The following ADAM19 variants were observed in gnomAD, a reference collection of about 807,000 sequenced individuals.
ADAM19 encodes disintegrin and metalloproteinase domain-containing protein 19.
Under a neutral mutation model 114.7 loss-of-function variants are expected in ADAM19, and 65 were observed. That is an observed-to-expected ratio of 0.57 (90% confidence interval 0.46 to 0.70). The LOEUF (loss-of-function observed/expected upper bound fraction) is 0.70, where lower values mean the gene tolerates loss of function less well. Among genes scored for constraint, ADAM19 ranks in the 30% least tolerant of loss-of-function variants. The pLI is 0.00. For synonymous variants in ADAM19, 466 were observed against 460.5 expected (o/e 1.01, Z -0.15); for missense variants, 1,063 against 1,204.7 (o/e 0.88, Z 1.74).
Position 157,480,144 on chromosome 5 carries a change from A to C in ADAM19, c.*805T>G, listed in dbSNP as rs895219201. On this transcript the variant is annotated 3_prime_UTR_variant, in exon 23 of 23. Transcript: ENST00000257527. ...ACATTAGAGGGAGAATGAGAGGGGA[A>C]GGAAGAGAGAAAAGCGTGGGGCACC... The C allele has an allele frequency of 1.0e-6, 1 of 985,974 alleles. No homozygotes were observed. The allele number at this position is 985,974 out of a possible 1,614,324, so 61.1% of individuals were successfully genotyped here.
At chr5:157,551,705 G>A (rs1019209730) in intron 3 of ADAM19, among the ~76,000 whole-genome samples, 1 of 151,336 alleles carries the variant, frequency 6.6e-6, no homozygotes, top group African/African-American at 2.4e-5. Flanking sequence ...TATATAAGGA[G>A]CTCAAACAAC....
chr5:157,558,695 G>A (rs1462716617), intron 3 of ADAM19, among the ~76,000 whole-genome samples: 3 of 152,188 alleles, frequency 2.0e-5, no homozygotes, highest in Non-Finnish European at 2.9e-5. Context: ...GTGGAGGTGG[G>A]GAGAGCTCCA....
chr5:157,491,137 T>TA (rs1755139825), intron 18 of ADAM19, among the ~76,000 whole-genome samples: 24 of 152,008 alleles, frequency 1.6e-4, no homozygotes, highest in African/African-American at 5.1e-4. Context: ...GCTATTTTTT[T>TA]TAAAAAAAAA....
intron 15 of ADAM19, 140 bp downstream of exon 15, chr5:157,494,547 G>T: frequency 1.6e-6 from 1 of 635,506 alleles, no homozygotes. Flanking sequence ...AGGGGGCCGA[G>T]AATAGATGAC....
At position 157,489,182 on chromosome 5, in the gene ADAM19, G is replaced by A; in HGVS notation, c.2245C>T (p.Pro749Ser). ...PSKLRQQFSC[P>S]FRVSQNSGTG... Reference sequence around the variant, plus strand: ...CCGCTGTTCTGAGAAACCCTGAAGGGACAACTAGAAACAAGAAATGGGGGA... The same window carrying A: ...CCGCTGTTCTGAGAAACCCTGAAGGAACAACTAGAAACAAGAAATGGGGGA... The change falls in exon 20 of 23, where the codon CCC (proline) becomes TCC (serine). Residue 749 changes from proline (P) to serine (S), a missense_variant. By Grantham distance (74) the Pro-to-Ser change is moderately conservative. This residue lies in a region of ADAM19 where 424 missense variants were observed against 445.5 expected (regional missense o/e 0.95). Transcript: ENST00000257527. 1 of 1,613,076 alleles carries A rather than the reference G, an allele frequency of 6.2e-7. No individual in the cohort carries two copies. The highest frequency in any genetic ancestry group is 8.5e-7 in the Non-Finnish European group (1 of 1,179,098).
chr5:157,483,287 C>T (rs1373492054), intron 21 of ADAM19, among the ~76,000 whole-genome samples: 3 of 152,094 alleles, frequency 2.0e-5, no homozygotes, highest in East Asian at 3.9e-4. Flanking sequence ...TATTTGCACA[C>T]GTGCACAAAA....
intron 5 of ADAM19, among the ~76,000 whole-genome samples, chr5:157,524,114 G>C (rs34603646): frequency 0.013 from 1,939 of 152,334 alleles, 20 homozygotes; most frequent in South Asian, 0.033. Context: ...TTGTTGCTGG[G>C]GGAATGTCTG....
Position 157,479,844 on chromosome 5 carries a change from A to G in ADAM19, c.*1105T>C. On this transcript the variant is annotated 3_prime_UTR_variant, in exon 23 of 23. Transcript: ENST00000257527. ...ATGACCAGCCTGCTCCCTCGTGTGT[A>G]CTTTGTAAATAGCTGGGCTCCCTAA... The G allele has an allele frequency of 2.0e-6, 2 of 985,592 alleles. No homozygotes were observed. Among genetic ancestry groups the G allele is most frequent in the Non-Finnish European group, 2.4e-6 (2 of 830,008 alleles). 61.1% of individuals were successfully genotyped at this position (985,592 alleles called of 1,614,324 possible).
At chr5:157,513,976 G>T (rs1756014214) in intron 7 of ADAM19, among the ~76,000 whole-genome samples, 1 of 152,224 alleles carries the variant, frequency 6.6e-6, no homozygotes. Context: ...TATGGGCAAG[G>T]CATTGTGCTT....
rs559798400 is a variant in ADAM19 at position 157,537,490 on chromosome 5, GCA to G, written c.330+421_330+422del. ...AAATAGCAGACTACAAAATGTATAT[GCA>G]CAGTGATTACAACTCTGTAAATGTT... is the stretch of plus-strand genomic sequence containing the variant. On this transcript the variant is annotated intron_variant, in intron 4 of 22. Coordinates refer to ENST00000257527, the MANE Select transcript of ADAM19 (RefSeq NM_033274.5). Among the ~76,000 whole-genome samples, 710 of 152,252 alleles carry G rather than the reference GCA, an allele frequency of 4.7e-3. 10 individuals are homozygous for G. Among genetic ancestry groups the G allele is most frequent in the African/African-American group, 0.016 (668 of 41,544 alleles).
rs11466787 is a variant in ADAM19 at position 157,492,824 on chromosome 5, C to T, written c.1908+149G>A. Reference sequence around the variant, plus strand: ...GACAGTTCTCTGGGGTGGGTGCCTGCTGTCACTATACACGCTTCATGAAGG... The same window carrying T: ...GACAGTTCTCTGGGGTGGGTGCCTGTTGTCACTATACACGCTTCATGAAGG... On this transcript the variant is annotated intron_variant, in intron 16 of 22. Coordinates refer to ENST00000257527, the MANE Select transcript of ADAM19 (RefSeq NM_033274.5). 985 of 757,318 alleles carry T rather than the reference C, an allele frequency of 1.3e-3. 9 individuals are homozygous for T. In the African/African-American group the frequency reaches 0.015, roughly 12 times the overall value. The allele number at this position is 757,318 out of a possible 1,614,324, so 46.9% of individuals were successfully genotyped here.
At chr5:157,539,730 T>C (rs1429028265) in intron 3 of ADAM19, among the ~76,000 whole-genome samples, 1 of 151,848 alleles carries the variant, frequency 6.6e-6, no homozygotes, top group East Asian at 1.9e-4. Context: ...CCTTTCTCTT[T>C]CTCCTTAGCA....
chr5:157,491,454 C>T (rs1755152834), intron 18 of ADAM19, among the ~76,000 whole-genome samples, 161 bp downstream of exon 18: 1 of 152,270 alleles, frequency 6.6e-6, no homozygotes, highest in Admixed American at 6.5e-5. Flanking sequence ...ACACTATGAG[C>T]AGTCGCTCCT....
At chr5:157,521,539 T>C (rs565064637) in intron 5 of ADAM19, among the ~76,000 whole-genome samples, 1 of 152,224 alleles carries the variant, frequency 6.6e-6, no homozygotes, top group Admixed American at 6.5e-5. Context: ...CTCTGGAAAA[T>C]CAGCGCCAGG....
chr5:157,489,884 C>G (rs10059052), intron 19 of ADAM19, among the ~76,000 whole-genome samples: 70,851 of 152,046 alleles, frequency 0.47, 16,836 homozygotes, highest in East Asian at 0.73. Flanking sequence ...CTACTCAGGA[C>G]GCTGAGGCAG....
intron 3 of ADAM19, among the ~76,000 whole-genome samples, chr5:157,558,639 G>A (rs979592654): frequency 6.6e-5 from 10 of 152,162 alleles, no homozygotes; most frequent in Admixed American, 2.6e-4. Context: ...CTTTATCCTA[G>A]GTAAGATGTT....
intron 9 of ADAM19, among the ~76,000 whole-genome samples, chr5:157,507,514 T>C (rs1755784542): frequency 6.6e-6 from 1 of 152,226 alleles, no homozygotes; most frequent in Admixed American, 6.5e-5. Flanking sequence ...CAGATTCTGA[T>C]GCTGAAGTGA....
At chr5:157,556,501 G>C (rs893828262) in intron 3 of ADAM19, among the ~76,000 whole-genome samples, 1 of 152,092 alleles carries the variant, frequency 6.6e-6, no homozygotes, top group Non-Finnish European at 1.5e-5. Flanking sequence ...TTACAGGCGT[G>C]AGCCACCATG....
At chr5:157,568,559 G>T (rs1757733782) in intron 2 of ADAM19, 1 of 151,884 alleles carries the variant, frequency 6.6e-6, no homozygotes, top group Non-Finnish European at 1.5e-5. Flanking sequence ...TCCTAGGGAT[G>T]GGTTAAAAAT....
Sources: gnomAD v4.1 joint callset for allele counts (sites outside exome capture counted in the v4.1 genomes callset) on GRCh38, gnomAD v4.1.1 for gene constraint, gnomAD v4.1.1 regional missense constraint, MANE v1.5 for transcripts, NCBI Gene and HGNC (gene_info 2026-07-23, HGNC 2026-07-21) for gene names.